ERBB4: variants seen among roughly 807,000 people sequenced by gnomAD.
The protein encoded by ERBB4 is erb-b2 receptor tyrosine kinase 4, also known as receptor tyrosine-protein kinase erbB-4.
In ERBB4, 42 loss-of-function variants were observed where a neutral mutation model predicts 158.0. The observed-to-expected ratio is 0.27, with a 90% CI of 0.21 to 0.34. ERBB4 has a LOEUF of 0.34. Among genes scored for constraint, ERBB4 ranks in the 10% least tolerant of loss-of-function variants. ERBB4 has a pLI of 1.00. For synonymous variants in ERBB4, 583 were observed against 558.7 expected (o/e 1.04, Z -0.61); for missense variants, 1,333 against 1,624.1 (o/e 0.82, Z 3.08).
At chr2:211,478,832 C>T (rs530803217) in intron 20 of ERBB4, among the ~76,000 whole-genome samples, 2 of 152,010 alleles carry the variant, frequency 1.3e-5, no homozygotes, top group Non-Finnish European at 2.9e-5. Flanking sequence ...TCTTCAGAAA[C>T]AAAACCAATT....
intron 1 of ERBB4, among the ~76,000 whole-genome samples, chr2:212,366,891 T>C (rs1161701375): frequency 1.3e-5 from 2 of 152,036 alleles, no homozygotes; most frequent in African/African-American, 4.8e-5. Context: ...GAATCCAAAA[T>C]TGATAAATGA....
intron 2 of ERBB4, among the ~76,000 whole-genome samples, chr2:212,043,811 A>G (rs2077196111): frequency 1.3e-5 from 2 of 152,140 alleles, no homozygotes; most frequent in Admixed American, 6.6e-5. Flanking sequence ...ATTTGCAGCC[A>G]TAAAATTATA....
chr2:212,095,728 C>G (rs1014001323), intron 2 of ERBB4, among the ~76,000 whole-genome samples: 1 of 151,856 alleles, frequency 6.6e-6, no homozygotes, highest in Admixed American at 6.6e-5. Flanking sequence ...GTCAGGAGAT[C>G]GAGACCATCC....
At chr2:212,454,872 G>GT (rs913934039) in intron 1 of ERBB4, among the ~76,000 whole-genome samples, 37 of 148,706 alleles carry the variant, frequency 2.5e-4, no homozygotes, top group African/African-American at 4.7e-4. Flanking sequence ...GTTCCTTTAG[G>GT]TTTTTTTTTT....
intron 1 of ERBB4, among the ~76,000 whole-genome samples, chr2:212,405,471 A>G (rs574504174): frequency 1.3e-5 from 2 of 152,226 alleles, no homozygotes; most frequent in South Asian, 4.1e-4. Context: ...GGACTCAGCA[A>G]TCCCATTACT....
chr2:211,656,327 G>T (rs1470805868), intron 16 of ERBB4, among the ~76,000 whole-genome samples: 1 of 91,066 alleles, frequency 1.1e-5, no homozygotes, highest in Non-Finnish European at 2.4e-5. Flanking sequence ...TACATTAAAA[G>T]CAAGTATTCT....
At chr2:212,267,815 G>A (rs2085203945) in intron 1 of ERBB4, among the ~76,000 whole-genome samples, 1 of 140,806 alleles carries the variant, frequency 7.1e-6, no homozygotes, top group African/African-American at 2.6e-5. Context: ...TCTTTATCAT[G>A]GCCAGACTTC....
At chr2:211,834,158 C>G (rs1010114092) in intron 3 of ERBB4, among the ~76,000 whole-genome samples, 1 of 151,990 alleles carries the variant, frequency 6.6e-6, no homozygotes, top group Non-Finnish European at 1.5e-5. Flanking sequence ...ATAAAGATAT[C>G]AGAGAAATTA....
chr2:211,412,493 C>T (rs1455439061), intron 25 of ERBB4, among the ~76,000 whole-genome samples: 1 of 151,564 alleles, frequency 6.6e-6, no homozygotes, highest in African/African-American at 2.4e-5. Context: ...TGTCTTTTTC[C>T]TATAATTCCT....
intron 19 of ERBB4, among the ~76,000 whole-genome samples, chr2:211,569,721 G>A (rs534522798): frequency 5.3e-5 from 8 of 152,172 alleles, no homozygotes; most frequent in Non-Finnish European, 7.3e-5. Context: ...GTCTGAGAAG[G>A]CTCATGTGCT....
intron 1 of ERBB4, among the ~76,000 whole-genome samples, chr2:212,527,412 C>T (rs1412311879): frequency 6.6e-6 from 1 of 152,022 alleles, no homozygotes; most frequent in Non-Finnish European, 1.5e-5. Context: ...ATGCATTCTT[C>T]CTCATTAATA....
chr2:212,013,684 C>T (rs965342373), intron 2 of ERBB4, among the ~76,000 whole-genome samples: 3 of 152,266 alleles, frequency 2.0e-5, no homozygotes, highest in African/African-American at 7.2e-5. Context: ...CTAAGGAATG[C>T]CAAGGATTGC....
chr2:212,400,449 T>C (rs886984995), intron 1 of ERBB4, among the ~76,000 whole-genome samples: 7 of 152,168 alleles, frequency 4.6e-5, no homozygotes, highest in African/African-American at 1.7e-4. Context: ...TGGAGCCCCA[T>C]ATCTTTATTT....
At chr2:212,074,818 G>A (rs1362196770) in intron 2 of ERBB4, among the ~76,000 whole-genome samples, 1 of 151,938 alleles carries the variant, frequency 6.6e-6, no homozygotes, top group African/African-American at 2.4e-5. Flanking sequence ...ATTGTAAAAC[G>A]CTATCAAGTT....
chr2:212,448,401 C>A (rs370751485), intron 1 of ERBB4, among the ~76,000 whole-genome samples: 2 of 152,118 alleles, frequency 1.3e-5, no homozygotes, highest in Admixed American at 6.5e-5. Context: ...ATTTGCTAAT[C>A]GCACAAGATG....
At chr2:211,929,717 T>C (rs2125095937) in intron 3 of ERBB4, among the ~76,000 whole-genome samples, 1 of 152,326 alleles carries the variant, frequency 6.6e-6, no homozygotes, top group South Asian at 2.1e-4. Flanking sequence ...ATTATAACAA[T>C]TTGAGTGTGT....
intron 25 of ERBB4, among the ~76,000 whole-genome samples, chr2:211,405,722 T>A (rs2063132821): frequency 6.6e-6 from 1 of 152,144 alleles, no homozygotes. Flanking sequence ...CCAAAATTTC[T>A]CTCAAAAAGG....
intron 9 of ERBB4, among the ~76,000 whole-genome samples, chr2:211,708,643 T>TCA (rs1553615033): frequency 3.3e-5 from 5 of 150,328 alleles, no homozygotes; most frequent in South Asian, 2.1e-4. Context: ...TCTCTCTCTC[T>TCA]CACTATCTTT....
chr2:212,447,378 C>A (rs2106005953), intron 1 of ERBB4, among the ~76,000 whole-genome samples: 1 of 147,096 alleles, frequency 6.8e-6, no homozygotes, highest in Non-Finnish European at 1.5e-5. Context: ...CTACAAAAAG[C>A]TATTTTTTCT....
Sources: gnomAD v4.1 joint callset for allele counts (sites outside exome capture counted in the v4.1 genomes callset) on GRCh38, gnomAD v4.1.1 for gene constraint, MANE v1.5 for transcripts, NCBI Gene and HGNC (gene_info 2026-07-23, HGNC 2026-07-21) for gene names.